The following FRMD4B variants were observed in gnomAD, a reference collection of about 807,000 sequenced individuals.
FRMD4B encodes the protein FERM domain containing 4B, also known as FERM domain-containing protein 4B.
A neutral mutation model predicts 141.5 loss-of-function variants in FRMD4B; 74 were observed. That is an observed-to-expected ratio of 0.52 (90% CI 0.43 to 0.63). FRMD4B has a LOEUF of 0.63. Among genes scored for constraint, FRMD4B ranks in the 30% least tolerant of loss-of-function variants. FRMD4B has a pLI of 0.00. For synonymous variants in FRMD4B, 506 were observed against 467.9 expected, an observed-to-expected ratio of 1.08 and a Z score of -1.05; for missense variants, 1,366 against 1,253.4, an observed-to-expected ratio of 1.09 and a Z score of -1.36.
intron 5 of FRMD4B, among the ~76,000 whole-genome samples, chr3:69,258,028 C>T (rs896800959): frequency 2.6e-5 from 4 of 152,124 alleles, no homozygotes; most frequent in Non-Finnish European, 2.9e-5. Flanking sequence ...CAGAGTTTTG[C>T]CATGTGGCCA....
At chr3:69,419,217 T>A (rs906760855) in intron 2 of FRMD4B, among the ~76,000 whole-genome samples, 17 of 152,190 alleles carry the variant, frequency 1.1e-4, no homozygotes, top group Admixed American at 2.6e-4. Flanking sequence ...CAACTGAAAC[T>A]GACCAAAGCA....
chr3:69,536,432 C>T (rs572674365), intron 1 of FRMD4B: 15 of 709,482 alleles, frequency 2.1e-5, no homozygotes, highest in South Asian at 1.6e-4. Flanking sequence ...AAGCGGAGGA[C>T]GTCCACCGTT....
intron 2 of FRMD4B, among the ~76,000 whole-genome samples, chr3:69,409,725 G>T (rs1704722034): frequency 6.6e-6 from 1 of 152,156 alleles, no homozygotes. Context: ...GGAAATCTAG[G>T]ATAAAGGTAC....
intron 1 of FRMD4B, among the ~76,000 whole-genome samples, chr3:69,335,372 A>ATTTT (rs35424718): frequency 7.5e-6 from 1 of 133,830 alleles, no homozygotes; most frequent in Non-Finnish European, 1.6e-5. Flanking sequence ...TCATTATTGC[A>ATTTT]TTTTTTTTTT....
intron 1 of FRMD4B, among the ~76,000 whole-genome samples, chr3:69,455,185 C>G (rs940540636): frequency 2.0e-5 from 3 of 152,320 alleles, no homozygotes; most frequent in East Asian, 1.9e-4. Context: ...ATGGACCAAT[C>G]AGCTCCCTGT....
At chr3:69,361,520 T>A (rs1035655502) in intron 1 of FRMD4B, among the ~76,000 whole-genome samples, 2 of 152,234 alleles carry the variant, frequency 1.3e-5, no homozygotes, top group African/African-American at 4.8e-5. Flanking sequence ...CTACCTCCCA[T>A]AACAACCACT....
intron 1 of FRMD4B, among the ~76,000 whole-genome samples, chr3:69,350,581 C>G (rs1269421646): frequency 5.9e-5 from 9 of 152,054 alleles, no homozygotes; most frequent in Admixed American, 5.9e-4. Context: ...ATCCAAATGT[C>G]CAACAGTGAT....
At chr3:69,221,031 C>A (rs371422850) in intron 9 of FRMD4B, among the ~76,000 whole-genome samples, 15 of 151,548 alleles carry the variant, frequency 9.9e-5, no homozygotes, top group East Asian at 5.8e-4. Context: ...GGTGCAATCA[C>A]GGCTCACTGC....
chr3:69,250,115 G>A lies in FRMD4B; in HGVS notation c.502-16C>T, dbSNP rs375326290. On this transcript the variant is annotated splice_polypyrimidine_tract_variant and intron_variant, in intron 5 of 22. Coordinates refer to ENST00000398540, the MANE Select transcript of FRMD4B (RefSeq NM_015123.3). ...CGATTTGCCCCTGTTGATGGAAAAG[G>A]AAAGCATCATTGAACATGGGGCTGT... is the stretch of plus-strand genomic sequence containing the variant. 15 of 1,582,400 alleles carry A rather than the reference G, an allele frequency of 9.5e-6. No individual in the cohort carries two copies. The highest frequency in any genetic ancestry group is 1.2e-5 in the Non-Finnish European group (14 of 1,151,226).
intron 5 of FRMD4B, among the ~76,000 whole-genome samples, chr3:69,253,181 C>CTTTTTTTTTTTTTT (rs781662739): frequency 3.3e-5 from 4 of 121,950 alleles, no homozygotes; most frequent in African/African-American, 3.1e-5. Context: ...AATATGATTC[C>CTTTTTTTTTTTTTT]TATTTTTTTT....
At chr3:69,488,419 G>C (rs1367175179) in intron 1 of FRMD4B, among the ~76,000 whole-genome samples, 2 of 152,166 alleles carry the variant, frequency 1.3e-5, no homozygotes, top group Non-Finnish European at 2.9e-5. Flanking sequence ...TCAGAATCCA[G>C]AGATAAACTC....
chr3:69,326,127 T>G (rs1205720716), intron 1 of FRMD4B, among the ~76,000 whole-genome samples: 5 of 150,502 alleles, frequency 3.3e-5, no homozygotes, highest in African/African-American at 4.9e-5. Flanking sequence ...CAATTTTTTT[T>G]TTTTTTTTTT....
At chr3:69,524,368 G>A (rs1300334450) in intron 1 of FRMD4B, among the ~76,000 whole-genome samples, 1 of 152,184 alleles carries the variant, frequency 6.6e-6, no homozygotes, top group Admixed American at 6.5e-5. Flanking sequence ...AAGTCACAGA[G>A]TTAGGATTTA....
intron 2 of FRMD4B, 110 bp downstream of exon 2, chr3:69,313,342 G>T: frequency 1.3e-6 from 1 of 747,474 alleles, no homozygotes; most frequent in Non-Finnish European, 2.4e-6. Flanking sequence ...AGAGAAGCCT[G>T]AATACAGACT....
At chr3:69,235,150 A>AAATAATAATAATAATAATAAT (rs55995422) in intron 7 of FRMD4B, among the ~76,000 whole-genome samples, 1 of 134,122 alleles carries the variant, frequency 7.5e-6, no homozygotes, top group African/African-American at 2.8e-5. Flanking sequence ...ACCCTGTCTC[A>AAATAATAATAATAATAATAAT]AATAATAATA....
intron 1 of FRMD4B, among the ~76,000 whole-genome samples, chr3:69,515,874 A>G (rs7612629): frequency 0.55 from 84,332 of 151,970 alleles, 24,110 homozygotes; most frequent in African/African-American, 0.71. Context: ...TAACTTTTGG[A>G]GTTAACATCT....
In FRMD4B at chr3:69,169,013, G is replaced by A. The variant is rs868669716; in HGVS notation, c.*2848C>T. Among the ~76,000 whole-genome samples, 3 of 150,462 alleles carry A rather than the reference G, an allele frequency of 2.0e-5. No individual in the cohort carries two copies. The highest frequency in any genetic ancestry group is 4.4e-5 in the Non-Finnish European group (3 of 67,558). ...GAAAACAAAACAAACAAAAAAAAAT[G>A]TTGTAAAACTGTACTTGTAATATGC... On this transcript the variant is annotated 3_prime_UTR_variant, in exon 23 of 23. Transcript: ENST00000398540.
intron 7 of FRMD4B, among the ~76,000 whole-genome samples, chr3:69,242,946 A>G (rs751658315): frequency 1.2e-4 from 18 of 147,670 alleles, no homozygotes; most frequent in Non-Finnish European, 1.5e-5. Flanking sequence ...GTGAGCCGAG[A>G]TCGCACTACT....
intron 7 of FRMD4B, among the ~76,000 whole-genome samples, chr3:69,244,566 G>A (rs762984438): frequency 1.1e-4 from 17 of 152,148 alleles, no homozygotes; most frequent in Non-Finnish European, 2.4e-4. Context: ...CCAGGAGGTG[G>A]AGGTTGCAGT....
Sources: gnomAD v4.1 joint callset for allele counts (sites outside exome capture counted in the v4.1 genomes callset) on GRCh38, gnomAD v4.1.1 for gene constraint, MANE v1.5 for transcripts, NCBI Gene and HGNC (gene_info 2026-07-23, HGNC 2026-07-21) for gene names.